PRSS3: variants seen among roughly 807,000 people sequenced by gnomAD.
The protein encoded by PRSS3 is serine protease 3.
Under a neutral mutation model 20.8 loss-of-function variants are expected in PRSS3, and 14 were observed. That is an observed-to-expected ratio of 0.67 (90% CI 0.44 to 1.05). The LOEUF (loss-of-function observed/expected upper bound fraction) is 1.05. Among genes scored for constraint, PRSS3 ranks in the 50% least tolerant of loss-of-function variants. The probability of loss-of-function intolerance (pLI) is 0.00; values close to 1 mark genes in which losing one functional copy is unlikely to be tolerated. For synonymous variants in PRSS3, 91 were observed against 117.6 expected, an observed-to-expected ratio of 0.77 and a Z score of 1.46; for missense variants, 237 against 306.4, an observed-to-expected ratio of 0.77 and a Z score of 1.69.
intron 1 of PRSS3, among the ~76,000 whole-genome samples, chr9:33,778,188 ACTT>A (rs913320551): frequency 6.6e-6 from 1 of 152,090 alleles, no homozygotes; most frequent in African/African-American, 2.4e-5. Flanking sequence ...GAAAAAAGGG[ACTT>A]CTTCAATCTA....
chr9:33,757,133 A>G (rs1822984557), intron 1 of PRSS3, among the ~76,000 whole-genome samples: 1 of 152,240 alleles, frequency 6.6e-6, no homozygotes, highest in African/African-American at 2.4e-5. Context: ...GCTTAACAGC[A>G]GAGGTTCTTG....
chr9:33,793,323 TC>T, upstream of PRSS3, among the ~76,000 whole-genome samples: 1 of 150,638 alleles, frequency 6.6e-6, no homozygotes, highest in Non-Finnish European at 1.5e-5. Context: ...TTCCTTATCC[TC>T]TAAGGCAGGA....
rs2142059 is a variant in PRSS3, at chr9:33,782,866, G to A, written c.-52-11880G>A. Among the ~76,000 whole-genome samples, 929 of 152,228 alleles carry A rather than the reference G, an allele frequency of 6.1e-3. 4 individuals carry two copies. The highest frequency in any genetic ancestry group is 9.7e-3 in the Non-Finnish European group (658 of 68,000). The stretch of plus-strand genomic sequence containing the variant: ...CATGAGCCAGCAATTATACTCCTAA[G>A]TATTTACTTAAGAGAAATAAGAGCA... On this transcript the variant is annotated intron_variant, in intron 1 of 5. Transcript: ENST00000342836.
chr9:33,776,534 A>G (rs185891014), intron 1 of PRSS3, among the ~76,000 whole-genome samples: 5 of 152,358 alleles, frequency 3.3e-5, no homozygotes, highest in African/African-American at 1.2e-4. Flanking sequence ...AAAAACACAC[A>G]TAGAGCAATG....
Position 33,778,743 on chromosome 9 carries a change from C to T in PRSS3, c.-52-16003C>T, listed in dbSNP as rs983565002. On this transcript the variant is annotated intron_variant, in intron 1 of 5. Coordinates refer to the PRSS3 transcript ENST00000342836. ...CTCTGCCTCAGGAGTCCCCTGCAGCCTGGAACACCTAACAAAAGAAATGCA... is the reference window on the plus strand; with the variant it reads ...CTCTGCCTCAGGAGTCCCCTGCAGCTTGGAACACCTAACAAAAGAAATGCA... Among the ~76,000 whole-genome samples the T allele has an allele frequency of 7.6e-4, 116 of 152,280 alleles. 1 individual carries two copies. Among genetic ancestry groups the T allele is most frequent in the Non-Finnish European group, 3.4e-4 (23 of 68,022 alleles).
At chr9:33,766,551 C>A (rs1388920424) in intron 1 of PRSS3, among the ~76,000 whole-genome samples, 2 of 151,774 alleles carry the variant, frequency 1.3e-5, no homozygotes, top group Non-Finnish European at 2.9e-5. Flanking sequence ...CCAGCCTGGG[C>A]GACAGAGCAA....
intron 4 of PRSS3, 35 bp from the exon 5 acceptor site, chr9:33,798,993 C>A: frequency 6.2e-7 from 1 of 1,608,642 alleles, no homozygotes; most frequent in African/African-American, 1.3e-5. Flanking sequence ...TCCTCCATCT[C>A]TCTCTTTATA....
intron 1 of PRSS3, among the ~76,000 whole-genome samples, chr9:33,763,899 C>G (rs995569603): frequency 1.3e-5 from 2 of 152,126 alleles, no homozygotes; most frequent in Admixed American, 1.3e-4. Context: ...TGACACTACC[C>G]TCTATAATCT....
chr9:33,778,085 T>C (rs1824021624), intron 1 of PRSS3, among the ~76,000 whole-genome samples: 1 of 152,158 alleles, frequency 6.6e-6, no homozygotes, highest in African/African-American at 2.4e-5. Context: ...TATTAACACA[T>C]TTTAAAAAAT....
In PRSS3 at chr9:33,797,935, ACT is replaced by A; in HGVS notation, c.310_311del (p.Leu104GlyfsTer3). ...IIRHPKYNRD[T>X]LDNDIMLIKL... is the part of the protein sequence containing the mutation. The stretch of plus-strand genomic sequence containing the variant: ...CCGCCACCCTAAATACAACAGGGAC[ACT>A]CTGGACAATGACATCATGCTGATCA... On this transcript the variant is annotated frameshift_variant, in exon 3 of 5. Transcript: ENST00000379405. LOFTEE classifies it high-confidence loss of function. 2 of 1,597,204 alleles carry A rather than the reference ACT, an allele frequency of 1.3e-6. No individual in the cohort carries two copies. Among genetic ancestry groups the A allele is most frequent in the Non-Finnish European group, 1.7e-6 (2 of 1,173,818 alleles).
At chr9:33,760,204 T>G (rs1823130375) in intron 1 of PRSS3, among the ~76,000 whole-genome samples, 1 of 152,014 alleles carries the variant, frequency 6.6e-6, no homozygotes, top group African/African-American at 2.4e-5. Flanking sequence ...TTTTGGTTGT[T>G]TGAAAACTAA....
At chr9:33,792,337 T>TAA (rs142060585), upstream of PRSS3, among the ~76,000 whole-genome samples, 2 of 148,356 alleles carry the variant, frequency 1.3e-5, no homozygotes, top group African/African-American at 5.0e-5. Flanking sequence ...AAGAAAGTGT[T>TAA]AAAAAAAAAA....
At chr9:33,760,662 C>T (rs867307754) in intron 1 of PRSS3, among the ~76,000 whole-genome samples, 3 of 149,206 alleles carry the variant, frequency 2.0e-5, no homozygotes, top group African/African-American at 7.4e-5. Context: ...CAGAGAATGC[C>T]GTGAACCCAG....
chr9:33,765,870 T>A (rs1004523862), intron 1 of PRSS3, among the ~76,000 whole-genome samples: 2 of 152,200 alleles, frequency 1.3e-5, no homozygotes, highest in Non-Finnish European at 2.9e-5. Context: ...AACATGCAGT[T>A]GTTCACAGCA....
chr9:33,758,429 TA>T (rs1271634961), intron 1 of PRSS3, among the ~76,000 whole-genome samples: 5 of 152,198 alleles, frequency 3.3e-5, no homozygotes, highest in Non-Finnish European at 7.3e-5. Context: ...CAGTGATCTG[TA>T]GATTAGTGTT....
chr9:33,795,734 C>T, intron 1 of PRSS3, 121 bp downstream of exon 1: 1 of 1,244,312 alleles, frequency 8.0e-7, no homozygotes, highest in East Asian at 2.5e-5. Flanking sequence ...CTCCATCTGA[C>T]ATATCTCCTT....
In PRSS3 at chr9:33,799,039, T is replaced by C. The variant is rs774405904; in HGVS notation, c.603T>C (p.Gly201=). Residue 201 remains glycine (G), a synonymous_variant, in exon 5 of 5, where the codon GGT becomes GGC. Transcript: ENST00000379405. The part of the protein sequence containing the change: ...GGKDSCQRDS[G]GPVVCNGQLQ... Reference sequence around the variant, plus strand: ...CTTCTTCTCCCCAGCGTGACTCTGGTGGCCCTGTGGTCTGCAACGGACAGC... The same window carrying C: ...CTTCTTCTCCCCAGCGTGACTCTGGCGGCCCTGTGGTCTGCAACGGACAGC... 6 of 1,614,102 alleles carry C rather than the reference T, an allele frequency of 3.7e-6. No homozygotes were observed. The East Asian group carries it at 1.3e-4, about 36-fold the overall frequency.
At chr9:33,771,952 A>G (rs1257680981) in intron 1 of PRSS3, among the ~76,000 whole-genome samples, 2 of 148,174 alleles carry the variant, frequency 1.3e-5, no homozygotes, top group Non-Finnish European at 3.0e-5. Context: ...GCTCACTGTA[A>G]CCTCTGCCTC....
rs959937229 is a variant in PRSS3 at position 33,798,347 on chromosome 9, G to A, written c.455-139G>A. ...TGATCATTCTGGAAACTAAAAGCCA[G>A]AGTCCCTTGCCAGAACTTACGTTTT... On this transcript the variant is annotated intron_variant, in intron 3 of 4. Coordinates refer to ENST00000379405, the MANE Select transcript of PRSS3 (RefSeq NM_002771.4). 1.3e-5 allele frequency: 18 copies of A among 1,386,552 alleles called. No individual in the cohort carries two copies. The African/African-American group carries it at 2.6e-4, about 20-fold the overall frequency. The allele number at this position is 1,386,552 out of a possible 1,614,324, so 85.9% of individuals were successfully genotyped here.
Sources: allele counts gnomAD v4.1 joint callset (sites outside exome capture counted in the v4.1 genomes callset), GRCh38; gene constraint gnomAD v4.1.1; transcripts MANE v1.5; gene names NCBI Gene and HGNC (gene_info 2026-07-23, HGNC 2026-07-21).